The following SFTPD variants were observed in gnomAD, a reference collection of about 807,000 sequenced individuals.
The protein encoded by SFTPD is surfactant protein D.
SFTPD carries 18 observed loss-of-function variants against 34.6 expected under a neutral mutation model. The ratio of observed to expected loss-of-function variants is 0.52; its 90% CI spans 0.36 to 0.77. SFTPD has a LOEUF of 0.77. Among genes scored for constraint, SFTPD ranks in the 30% least tolerant of loss-of-function variants. The probability of loss-of-function intolerance (pLI) is 0.00; values close to 1 mark genes in which losing one functional copy is unlikely to be tolerated. For missense variants in SFTPD, 433 were observed against 468.9 expected, an observed-to-expected ratio of 0.92 and a Z score of 0.71; for synonymous variants, 155 against 180.9, an observed-to-expected ratio of 0.86 and a Z score of 1.15.
At chr10:79,972,942 G>C (rs1468849821) in intron 1 of SFTPD, 1 of 152,116 alleles carries the variant, frequency 6.6e-6, no homozygotes, top group East Asian at 1.9e-4. Context: ...GTTCCAAATG[G>C]GAACTGGAAG....
chr10:79,941,984 G>A lies in SFTPD; in HGVS notation c.520C>T (p.Arg174Cys), dbSNP rs201514801. 8.1e-6 allele frequency: 13 copies of A among 1,613,524 alleles called. No individual in the cohort carries two copies. The highest frequency in any genetic ancestry group is 3.3e-5 in the Admixed American group (2 of 59,990). ...PKGERGVPGE[R>C]GVPGNTGAAG... ...GCCCCTGTGTTTCCAGGGACTCCAC[G>A]CTCACCAGGGACACCTCGCTCTCCC... Residue 174 changes from arginine (R) to cysteine (C), a missense_variant, in exon 5 of 8, where the codon CGT becomes TGT. Coordinates refer to ENST00000372292, the MANE Select transcript of SFTPD (RefSeq NM_003019.5).
intron 1 of SFTPD, chr10:79,971,502 G>A (rs1431934212): frequency 6.6e-6 from 1 of 152,016 alleles, no homozygotes; most frequent in Non-Finnish European, 1.5e-5. Flanking sequence ...TTTCTTTGAT[G>A]GGACACTTTT....
At position 79,957,884 on chromosome 10, in the gene SFTPD, T is replaced by A. The variant is rs531277641; in HGVS notation, c.37-11222A>T. ...AAAGTTGAAATGAAGGAAAAAATGT[T>A]AAGGACAGCCAGAGAGAAAGGTCGG... On this transcript the variant is annotated intron_variant, in intron 1 of 5. Transcript: ENST00000444384. Among the ~76,000 whole-genome samples, 5 of 152,242 alleles carry A rather than the reference T, an allele frequency of 3.3e-5. No individual in the cohort carries two copies. The South Asian group carries it at 1.0e-3, about 32-fold the overall frequency.
chr10:79,959,979 G>C (rs1228191623), intron 1 of SFTPD, among the ~76,000 whole-genome samples: 1 of 152,070 alleles, frequency 6.6e-6, no homozygotes, highest in Non-Finnish European at 1.5e-5. Context: ...TGGGATGCAA[G>C]GCTGGTTCAA....
At chr10:79,975,989 T>C (rs2132526296) in intron 1 of SFTPD, among the ~76,000 whole-genome samples, 1 of 152,358 alleles carries the variant, frequency 6.6e-6, no homozygotes. Flanking sequence ...GTGGGTGTTA[T>C]GGTTATCATG....
chr10:79,942,313 A>G (rs1589334106), intron 4 of SFTPD, 75 bp downstream of exon 4: 2 of 1,021,880 alleles, frequency 2.0e-6, no homozygotes, highest in African/African-American at 1.6e-5. Context: ...CACTCTGAGC[A>G]CGCCTCAGGT....
chr10:79,956,459 G>C (rs1842738824), intron 1 of SFTPD, among the ~76,000 whole-genome samples: 1 of 152,254 alleles, frequency 6.6e-6, no homozygotes, highest in Non-Finnish European at 1.5e-5. Context: ...CCCTAATACT[G>C]TGCTTTTCCA....
intron 1 of SFTPD, chr10:79,970,470 A>G (rs1234260613): frequency 6.6e-6 from 1 of 152,108 alleles, no homozygotes. Flanking sequence ...TAGTATGGTC[A>G]TTTTAACGGT....
In SFTPD at chr10:79,941,936, G is replaced by A; in HGVS notation, c.550+18C>T. 1.3e-6 allele frequency: 2 copies of A among 1,537,476 alleles called. 1 individual carries two copies. Among genetic ancestry groups the A allele is most frequent in the Non-Finnish European group, 1.8e-6 (2 of 1,111,736 alleles). On this transcript the variant is annotated intron_variant, in intron 5 of 7. Coordinates refer to ENST00000372292, the MANE Select transcript of SFTPD (RefSeq NM_003019.5). ...GGAGAACTGGACCCAGCCCAGCCCA[G>A]CTCTTTCCACTGCTCACCTGCTGCC...
chr10:79,941,491 G>A lies in SFTPD; in HGVS notation c.574C>T (p.Gln192Ter). The A allele has an allele frequency of 6.2e-7, 1 of 1,610,554 alleles. No homozygotes were observed. Among genetic ancestry groups the A allele is most frequent in the Non-Finnish European group, 8.5e-7 (1 of 1,178,418 alleles). Reference sequence around the variant, plus strand: ...GGTCCCCTGGCACCTGGACTTCCCTGGGGACCCATGGCTCCAGCAGACCCT... The same window carrying A: ...GGTCCCCTGGCACCTGGACTTCCCTAGGGACCCATGGCTCCAGCAGACCCT... ...AAGSAGAMGP[Q>*]GSPGARGPPG... The change falls in exon 6 of 8, where the codon CAG becomes TAG. Residue 192 changes from glutamine to a stop codon, truncating the protein, a stop_gained. Coordinates refer to ENST00000372292, the MANE Select transcript of SFTPD (RefSeq NM_003019.5). LOFTEE classifies it high-confidence loss of function.
chr10:79,959,315 A>G (rs538017847), intron 1 of SFTPD, among the ~76,000 whole-genome samples: 44 of 152,200 alleles, frequency 2.9e-4, no homozygotes, highest in African/African-American at 1.1e-3. Flanking sequence ...TGAAGGAAAT[A>G]GAGACACAAA....
At chr10:79,972,007 A>G (rs1031753066) in intron 1 of SFTPD, 1 of 152,298 alleles carries the variant, frequency 6.6e-6, no homozygotes, top group South Asian at 2.1e-4. Flanking sequence ...CCTTTCAATG[A>G]GGATTAATTT....
upstream of SFTPD, among the ~76,000 whole-genome samples, chr10:79,953,865 T>C (rs1487438405): frequency 6.6e-6 from 1 of 152,082 alleles, no homozygotes; most frequent in Non-Finnish European, 1.5e-5. Context: ...TTTCTTTTTG[T>C]TCCTCTGATT....
intron 1 of SFTPD, among the ~76,000 whole-genome samples, chr10:79,979,717 C>T (rs949791546): frequency 1.2e-4 from 18 of 152,322 alleles, no homozygotes; most frequent in African/African-American, 3.6e-4. Flanking sequence ...GCAGTCTAGA[C>T]ACAAGGACTG....
At chr10:79,942,336 C>T (rs1370892841) in intron 4 of SFTPD, 52 bp downstream of exon 4, 3 of 1,268,340 alleles carry the variant, frequency 2.4e-6, no homozygotes, top group Admixed American at 1.7e-5. Flanking sequence ...TATCATGGAC[C>T]CTTGTCCTTC....
At chr10:79,975,965 C>T (rs559285047) in intron 1 of SFTPD, among the ~76,000 whole-genome samples, 3 of 152,298 alleles carry the variant, frequency 2.0e-5, no homozygotes, top group South Asian at 4.1e-4. Context: ...CCAGTAAACC[C>T]ACAACCTTCC....
At chr10:79,960,165 A>G (rs1842763763) in intron 1 of SFTPD, among the ~76,000 whole-genome samples, 1 of 151,672 alleles carries the variant, frequency 6.6e-6, no homozygotes, top group Admixed American at 6.6e-5. Context: ...AGAGCTATCT[A>G]TGACAAACCC....
intron 1 of SFTPD, chr10:79,982,194 G>T: frequency 2.1e-6 from 1 of 479,214 alleles, no homozygotes; most frequent in East Asian, 4.2e-5. Flanking sequence ...AGCCGCACGC[G>T]CACGTACTGG....
chr10:79,952,435 C>A (rs1589338085), upstream of SFTPD, among the ~76,000 whole-genome samples: 1 of 152,206 alleles, frequency 6.6e-6, no homozygotes, highest in Non-Finnish European at 1.5e-5. Flanking sequence ...CAGAACCACA[C>A]TCCTCCCCTT....
Sources: allele counts gnomAD v4.1 joint callset (sites outside exome capture counted in the v4.1 genomes callset), GRCh38; gene constraint gnomAD v4.1.1; transcripts MANE v1.5; gene names NCBI Gene and HGNC (gene_info 2026-07-23, HGNC 2026-07-21).